The following SLC24A3 variants were observed in gnomAD, a reference collection of about 807,000 sequenced individuals.
SLC24A3 encodes solute carrier family 24 member 3.
SLC24A3 carries 28 observed loss-of-function variants against 75.8 expected under a neutral mutation model. The observed-to-expected ratio is 0.37, with a 90% CI of 0.27 to 0.51. The LOEUF is 0.51. SLC24A3 is among the 20% of genes least tolerant of loss of function. The pLI, the probability that SLC24A3 is intolerant of heterozygous loss-of-function variation, is 0.94. For synonymous variants in SLC24A3, 372 were observed against 334.1 expected, an observed-to-expected ratio of 1.11 and a Z score of -1.24; for missense variants, 663 against 847.8, an observed-to-expected ratio of 0.78 and a Z score of 2.71.
rs1008559907 is a variant in SLC24A3, at chr20:19,370,648, C to T, written c.271+89561C>T. Among the ~76,000 whole-genome samples, 13 of 152,224 alleles carry T rather than the reference C, an allele frequency of 8.5e-5. No homozygotes were observed. In the South Asian group the frequency reaches 1.0e-3, roughly 12 times the overall value. On this transcript the variant is annotated intron_variant, in intron 2 of 16. Transcript: ENST00000328041. ...TAAATCATGCTCCTGTGCCAGGAAGCTTCTAAACACTGTAATCCCTCTGCC... is the reference window on the plus strand; with the variant it reads ...TAAATCATGCTCCTGTGCCAGGAAGTTTCTAAACACTGTAATCCCTCTGCC...
chr20:19,611,578 C>T (rs1196451294), intron 6 of SLC24A3, among the ~76,000 whole-genome samples: 1 of 152,198 alleles, frequency 6.6e-6, no homozygotes, highest in African/African-American at 2.4e-5. Flanking sequence ...GCTTTTTTGA[C>T]TTTCAGGAAT....
intron 2 of SLC24A3, among the ~76,000 whole-genome samples, chr20:19,388,237 A>G (rs762930271): frequency 1.3e-5 from 2 of 151,966 alleles, no homozygotes; most frequent in Non-Finnish European, 2.9e-5. Context: ...CTATTTCTCC[A>G]TTTACTTCTG....
chr20:19,293,026 G>C lies in SLC24A3; in HGVS notation c.271+11939G>C, dbSNP rs185223722. On this transcript the variant is annotated intron_variant, in intron 2 of 16. Coordinates refer to ENST00000328041, the MANE Select transcript of SLC24A3 (RefSeq NM_020689.4). ...CACCTTGCCAAAGGTCCTACCCCCT[G>C]CCTTGGGGGCTAGGAATTTAGCATG... Among the ~76,000 whole-genome samples the C allele has an allele frequency of 4.1e-4, 63 of 151,962 alleles. No homozygotes were observed. The East Asian group carries it at 4.7e-3, about 11-fold the overall frequency.
At chr20:19,622,757 C>T (rs548289450) in intron 6 of SLC24A3, among the ~76,000 whole-genome samples, 2 of 152,132 alleles carry the variant, frequency 1.3e-5, no homozygotes, top group Non-Finnish European at 2.9e-5. Flanking sequence ...GGGTAATTTA[C>T]AAAGAAAGTA....
At chr20:19,379,753 A>G (rs771950576) in intron 2 of SLC24A3, among the ~76,000 whole-genome samples, 22 of 152,166 alleles carry the variant, frequency 1.4e-4, no homozygotes, top group Non-Finnish European at 2.6e-4. Context: ...ACAATGACAA[A>G]CACCACACCA....
chr20:19,677,592 C>T (rs1397288684), intron 9 of SLC24A3, among the ~76,000 whole-genome samples: 1 of 151,934 alleles, frequency 6.6e-6, no homozygotes, highest in Non-Finnish European at 1.5e-5. Flanking sequence ...TTTTGAAGTC[C>T]CGGACATCAT....
At chr20:19,700,318 G>T (rs2032855795) in intron 15 of SLC24A3, among the ~76,000 whole-genome samples, 1 of 152,096 alleles carries the variant, frequency 6.6e-6, no homozygotes, top group Admixed American at 6.6e-5. Flanking sequence ...TCCATCCAGT[G>T]GTTCTACCAT....
chr20:19,296,112 CCTTTT>C (rs1053540824), intron 2 of SLC24A3, among the ~76,000 whole-genome samples: 1 of 151,988 alleles, frequency 6.6e-6, no homozygotes, highest in African/African-American at 2.4e-5. Context: ...AACAGTTTAT[CCTTTT>C]CTTCTAGATT....
At chr20:19,545,588 A>G (rs1214096161) in intron 3 of SLC24A3, among the ~76,000 whole-genome samples, 5 of 152,148 alleles carry the variant, frequency 3.3e-5, no homozygotes, top group Non-Finnish European at 7.3e-5. Context: ...GCATGGGGAC[A>G]TGGGTCTGGG....
rs370447473 is a variant in SLC24A3 at position 19,226,098 on chromosome 20, C to T, written c.142+13114C>T. ...TATCAAATTGAGTAATTTCCTTTTT[C>T]GCCTTAGTTTTCTGAGAGTTTTTAT... On this transcript the variant is annotated intron_variant, in intron 1 of 16. Transcript: ENST00000328041. 6.6e-5 allele frequency among the ~76,000 whole-genome samples: 10 copies of T among 151,804 alleles called. 1 individual carries two copies. The East Asian group carries it at 1.2e-3, about 18-fold the overall frequency.
At chr20:19,250,687 A>G (rs1982628097) in intron 1 of SLC24A3, among the ~76,000 whole-genome samples, 1 of 152,196 alleles carries the variant, frequency 6.6e-6, no homozygotes, top group Non-Finnish European at 1.5e-5. Context: ...TTTGCCATTA[A>G]ATATATTAAG....
In SLC24A3 at chr20:19,585,442, G is replaced by C. The variant is rs995147257; in HGVS notation, c.510G>C (p.Gly170=). 1 of 1,613,952 alleles carries C rather than the reference G, an allele frequency of 6.2e-7. No homozygotes were observed. The highest frequency in any genetic ancestry group is 8.5e-7 in the Non-Finnish European group (1 of 1,179,900). The change falls in exon 6 of 17, where the codon GGG becomes GGC. Residue 170 remains glycine, a splice_region_variant and synonymous_variant. Coordinates refer to ENST00000328041, the MANE Select transcript of SLC24A3 (RefSeq NM_020689.4). Reference sequence around the variant, plus strand: ...GCTGATGTGGGATCTGTGTTTCAGGGGTCTTCATCACCAAAGGCGATGTGG... The same window carrying C: ...GCTGATGTGGGATCTGTGTTTCAGGCGTCTTCATCACCAAAGGCGATGTGG... The part of the protein sequence containing the change: ...SAPELFTSVI[G]VFITKGDVGV...
chr20:19,701,210 A>G (rs989911386), intron 15 of SLC24A3, among the ~76,000 whole-genome samples: 1 of 152,132 alleles, frequency 6.6e-6, no homozygotes, highest in Non-Finnish European at 1.5e-5. Flanking sequence ...ATGGGAATCC[A>G]TGTTTAGCTC....
intron 15 of SLC24A3, among the ~76,000 whole-genome samples, chr20:19,712,751 G>A (rs1398859269): frequency 2.0e-5 from 3 of 152,210 alleles, no homozygotes; most frequent in Admixed American, 6.5e-5. Context: ...TGGCCCAGAT[G>A]TCCATCAACA....
intron 1 of SLC24A3, among the ~76,000 whole-genome samples, chr20:19,276,343 T>C (rs1318119810): frequency 6.6e-6 from 1 of 152,232 alleles, no homozygotes; most frequent in Non-Finnish European, 1.5e-5. Context: ...ATGCTCGTCC[T>C]CACTGCTGTT....
At chr20:19,360,954 GTA>G (rs1211634044) in intron 2 of SLC24A3, among the ~76,000 whole-genome samples, 2 of 152,196 alleles carry the variant, frequency 1.3e-5, no homozygotes, top group Middle Eastern at 3.4e-3. Context: ...AGCCTCCCGA[GTA>G]GCTGGGACTA....
At chr20:19,583,890 A>G (rs547603723) in intron 4 of SLC24A3, among the ~76,000 whole-genome samples, 326 of 152,226 alleles carry the variant, frequency 2.1e-3, no homozygotes, top group Non-Finnish European at 3.9e-3. Flanking sequence ...CAGCGAAGCG[A>G]CCCAGGATCC....
chr20:19,681,251 G>A (rs997922740), intron 9 of SLC24A3, among the ~76,000 whole-genome samples: 4 of 152,126 alleles, frequency 2.6e-5, no homozygotes, highest in Non-Finnish European at 5.9e-5. Flanking sequence ...TTTTCATAAA[G>A]CTAAGGGCCC....
At chr20:19,375,345 C>A (rs1308312662) in intron 2 of SLC24A3, among the ~76,000 whole-genome samples, 1 of 152,170 alleles carries the variant, frequency 6.6e-6, no homozygotes, top group East Asian at 1.9e-4. Context: ...GTTTTTATTT[C>A]TTTCTTTTAC....
Sources: gnomAD v4.1 joint callset for allele counts (sites outside exome capture counted in the v4.1 genomes callset) on GRCh38, gnomAD v4.1.1 for gene constraint, MANE v1.5 for transcripts, NCBI Gene and HGNC (gene_info 2026-07-23, HGNC 2026-07-21) for gene names.